ANKRD30B: variants seen among roughly 807,000 people sequenced by gnomAD.
ANKRD30B encodes the protein ankyrin repeat domain 30B, also known as ankyrin repeat domain-containing protein 30B.
In ANKRD30B, 144 loss-of-function variants were observed where a neutral mutation model predicts 202.2. The ratio of observed to expected loss-of-function variants is 0.71; its 90% CI spans 0.62 to 0.82. The LOEUF is 0.82. Among genes scored for constraint, ANKRD30B ranks in the 40% least tolerant of loss-of-function variants. The probability of loss-of-function intolerance (pLI) is 0.00; values close to 1 mark genes in which losing one functional copy is unlikely to be tolerated. For synonymous variants in ANKRD30B, 508 were observed against 561.3 expected (o/e 0.91, Z 1.34); for missense variants, 1,487 against 1,669.1 (o/e 0.89, Z 1.90).
intron 8 of ANKRD30B, among the ~76,000 whole-genome samples, chr18:14,769,723 G>T (rs1371898062): frequency 6.6e-6 from 1 of 152,196 alleles, no homozygotes; most frequent in African/African-American, 2.4e-5. Context: ...TCAAGGTACA[G>T]GTCCAGATTG....
At chr18:14,828,436 C>T (rs1240480335) in intron 33 of ANKRD30B, 128 bp downstream of exon 33, 4 of 668,368 alleles carry the variant, frequency 6.0e-6, no homozygotes, top group Non-Finnish European at 9.8e-6. Flanking sequence ...TATCATCTCA[C>T]ATAGTCATCA....
At chr18:14,920,932 T>C in the ANKRD30B span, among the ~76,000 whole-genome samples, 103 of 152,380 alleles carry the variant, frequency 6.8e-4, no homozygotes, top group Middle Eastern at 3.4e-3. Context: ...TTTATGTCTC[T>C]GTCTCAGAGC....
intron 41 of ANKRD30B, among the ~76,000 whole-genome samples, chr18:14,850,861 T>C (rs1201831804): frequency 6.6e-6 from 1 of 151,866 alleles, no homozygotes; most frequent in Non-Finnish European, 1.5e-5. Flanking sequence ...TGAGATTTGG[T>C]GGAGAAGTCC....
rs770584845 is a variant in ANKRD30B, at chr18:14,831,450, A to G, written c.2842A>G (p.Thr948Ala). ...TKVEEDFNLT[T>A]KEGATKTVTG... ...AGTTGAGGAAGACTTTAATCTTACT[A>G]CCAAGGTAAAATAGTCTCTTGTTAA... Residue 948 changes from threonine (T) to alanine (A), a missense_variant, in exon 34 of 44, where the codon ACC becomes GCC. Physicochemically the swap from Thr to Ala is moderately conservative, Grantham distance 58 (BLOSUM62 0). Transcript: ENST00000690538. The G allele has an allele frequency of 7.9e-6, 12 of 1,516,532 alleles. No homozygotes were observed. Among genetic ancestry groups the G allele is most frequent in the Non-Finnish European group, 1.1e-5 (12 of 1,123,032 alleles). 93.9% of individuals were successfully genotyped at this position (1,516,532 alleles called of 1,614,324 possible).
At chr18:14,840,377 A>G (rs1238569055) in intron 36 of ANKRD30B, among the ~76,000 whole-genome samples, 1 of 152,042 alleles carries the variant, frequency 6.6e-6, no homozygotes, top group Non-Finnish European at 1.5e-5. Context: ...GTCTCTATTA[A>G]AAATACAAAA....
At chr18:14,767,583 G>A in intron 7 of ANKRD30B, among the ~76,000 whole-genome samples, 1 of 152,116 alleles carries the variant, frequency 6.6e-6, no homozygotes, top group Middle Eastern at 3.2e-3. Flanking sequence ...TTGTCATGTG[G>A]TGTTAGGCTA....
At chr18:14,858,760 G>A (rs549245997), downstream of ANKRD30B, among the ~76,000 whole-genome samples, 28 of 117,428 alleles carry the variant, frequency 2.4e-4, no homozygotes, top group Admixed American at 2.1e-3. Context: ...ACCTCCCAGG[G>A]GGGGCAGCCA....
the ANKRD30B span, among the ~76,000 whole-genome samples, chr18:14,870,803 C>T: frequency 2.0e-5 from 3 of 152,104 alleles, no homozygotes; most frequent in African/African-American, 7.2e-5. Flanking sequence ...AGAGGTTTCC[C>T]TTGGCCCCTG....
At chr18:14,863,054 G>A in the ANKRD30B span, among the ~76,000 whole-genome samples, 9 of 152,194 alleles carry the variant, frequency 5.9e-5, no homozygotes, top group Admixed American at 2.6e-4. Context: ...ATGGAGGAAC[G>A]TACCTTGAAG....
At chr18:14,750,703 A>C (rs1393401425) in intron 1 of ANKRD30B, among the ~76,000 whole-genome samples, 2 of 152,142 alleles carry the variant, frequency 1.3e-5, no homozygotes, top group Non-Finnish European at 2.9e-5. Context: ...AATACATTTC[A>C]GTGAGTTTAC....
intron 30 of ANKRD30B, among the ~76,000 whole-genome samples, chr18:14,821,398 TCTACTAG>T (rs1179395500): frequency 1.3e-5 from 2 of 152,156 alleles, no homozygotes; most frequent in African/African-American, 4.8e-5. Flanking sequence ...TTTCTTGCCT[TCTACTAG>T]CTTTTGAATG....
intron 24 of ANKRD30B, among the ~76,000 whole-genome samples, chr18:14,807,975 T>C (rs1969626679): frequency 6.6e-6 from 1 of 151,148 alleles, no homozygotes; most frequent in Admixed American, 6.6e-5. Context: ...TCATAACTTT[T>C]ATTCTATAAG....
Position 14,752,482 on chromosome 18 carries a change from AT to A in ANKRD30B, c.222-81del, listed in dbSNP as rs138223066. On this transcript the variant is annotated intron_variant, in intron 1 of 43. Transcript: ENST00000690538. Reference sequence around the variant, plus strand: ...TTTGAAGGTAGAGAAAGAGCATGGTATTTAATGTTTACAATTACCTAAATCG... The same window carrying A: ...TTTGAAGGTAGAGAAAGAGCATGGTATTAATGTTTACAATTACCTAAATCG... The A allele has an allele frequency of 2.8e-3, 2,706 of 969,412 alleles. 58 individuals are homozygous for A. The African/African-American group carries it at 0.039, about 14-fold the overall frequency. 60.1% of individuals were successfully genotyped at this position (969,412 alleles called of 1,614,324 possible).
At chr18:14,841,799 A>T (rs1971429723) in intron 37 of ANKRD30B, among the ~76,000 whole-genome samples, 1 of 152,152 alleles carries the variant, frequency 6.6e-6, no homozygotes, top group African/African-American at 2.4e-5. Flanking sequence ...AGAAGATTAG[A>T]TTGTGGGTAC....
Position 14,854,632 on chromosome 18 carries a change from G to A in ANKRD30B, c.*474G>A, listed in dbSNP as rs1310656733. On this transcript the variant is annotated 3_prime_UTR_variant, in exon 44 of 44. Coordinates refer to ENST00000690538, the MANE Select transcript of ANKRD30B (RefSeq NM_001367607.2). ...AGTCTCCCATTTAGGTACAAGCCTA[G>A]ACAGACAGGAACACTTTTTTATAAT... Among the ~76,000 whole-genome samples the A allele has an allele frequency of 5.3e-5, 8 of 152,154 alleles. No individual in the cohort carries two copies. The East Asian group carries it at 1.3e-3, about 26-fold the overall frequency.
At chr18:14,921,808 G>T in the ANKRD30B span, among the ~76,000 whole-genome samples, 2 of 152,102 alleles carry the variant, frequency 1.3e-5, no homozygotes, top group African/African-American at 4.8e-5. Flanking sequence ...TTCTCACCAC[G>T]TGGCCTTAGG....
intron 15 of ANKRD30B, among the ~76,000 whole-genome samples, chr18:14,790,005 A>G (rs1432966388): frequency 6.6e-6 from 1 of 152,206 alleles, no homozygotes; most frequent in Non-Finnish European, 1.5e-5. Context: ...CATGATATTC[A>G]TTCTTCCTAC....
rs1163010226 is a variant in ANKRD30B, at chr18:14,748,465, G to C, written c.46G>C (p.Glu16Gln). Residue 16 changes from glutamate to glutamine, a missense_variant, in exon 1 of 44, where the codon GAG becomes CAG. By Grantham distance (29) the Glu-to-Gln change is conservative (BLOSUM62 2). This residue lies in a region of ANKRD30B where 889 missense variants were observed against 841.4 expected (regional missense o/e 1.06). Coordinates refer to ENST00000690538, the MANE Select transcript of ANKRD30B (RefSeq NM_001367607.2). ...CGCTGGCAAGGGCGTGCGGGGCCCG[G>C]AGCCCCCGAACCCCTTCAGCGAACG... ...AAAGKGVRGP[E>Q]PPNPFSERVY... 6.5e-7 allele frequency: 1 copy of C among 1,539,692 alleles called. No individual in the cohort carries two copies. Among genetic ancestry groups the C allele is most frequent in the Non-Finnish European group, 8.8e-7 (1 of 1,140,616 alleles).
the ANKRD30B span, among the ~76,000 whole-genome samples, chr18:14,889,127 GT>G: frequency 6.6e-6 from 1 of 151,316 alleles, no homozygotes; most frequent in Non-Finnish European, 1.5e-5. Flanking sequence ...TACACAGCTA[GT>G]TATGAAATAT....
Sources: gnomAD v4.1 joint callset for allele counts (sites outside exome capture counted in the v4.1 genomes callset) on GRCh38, gnomAD v4.1.1 for gene constraint, gnomAD v4.1.1 regional missense constraint, MANE v1.5 for transcripts, NCBI Gene and HGNC (gene_info 2026-07-23, HGNC 2026-07-21) for gene names.